KIRREL3: variants seen among roughly 807,000 people sequenced by gnomAD.
KIRREL3 encodes kin of IRRE-like protein 3.
In KIRREL3, 36 loss-of-function variants were observed where a neutral mutation model predicts 89.7. That is an observed-to-expected ratio of 0.40 (90% CI 0.31 to 0.53). KIRREL3 has a LOEUF of 0.53. KIRREL3 is among the 20% of genes least tolerant of loss of function. The pLI is 0.49. For missense variants in KIRREL3, 864 were observed against 1,056.6 expected (o/e 0.82, Z 2.53); for synonymous variants, 445 against 441.4 (o/e 1.01, Z -0.10).
intron 1 of KIRREL3, among the ~76,000 whole-genome samples, chr11:126,730,808 G>A (rs954485609): frequency 7.9e-5 from 12 of 151,842 alleles, no homozygotes; most frequent in Non-Finnish European, 1.6e-4. Flanking sequence ...GTGCCATCTC[G>A]GCTCACTGCA....
chr11:126,731,390 C>T (rs1948611714), intron 1 of KIRREL3, among the ~76,000 whole-genome samples: 2 of 152,218 alleles, frequency 1.3e-5, no homozygotes, highest in Non-Finnish European at 1.5e-5. Flanking sequence ...TCAGAGCTTA[C>T]TTAGTCCTTC....
In KIRREL3 at chr11:126,669,715, A is replaced by G. The variant is rs73014503; in HGVS notation, c.56-106803T>C. ...CTTCTCCATTTACATTTTTCTCTCA[A>G]GGTTTTGCATGAAACTCCAAGGCTT... On this transcript the variant is annotated intron_variant, in intron 1 of 16. Transcript: ENST00000525144. This position sits in a 1 kb window ranked among gnomAD's most constrained non-coding sequence, Gnocchi z 5.0. 0.21 allele frequency among the ~76,000 whole-genome samples: 32,048 copies of G among 152,072 alleles called. 3,762 individuals carry two copies. Among genetic ancestry groups the G allele is most frequent in the South Asian group, 0.45 (2,170 of 4,816 alleles).
rs999765493 is a variant in KIRREL3, at chr11:126,501,565, C to T, written c.433+19750G>A. ...GCGTGACAAAGCTAGGATTTGAACC[C>T]AGGCTGTTCAACTCCAAGTTCTGGG... On this transcript the variant is annotated intron_variant, in intron 4 of 16. Transcript: ENST00000525144. This position sits in a 1 kb window ranked among gnomAD's most constrained non-coding sequence, Gnocchi z 5.8. Among the ~76,000 whole-genome samples the T allele has an allele frequency of 6.6e-6, 1 of 152,174 alleles. No homozygotes were observed. The highest frequency in any genetic ancestry group is 1.9e-4 in the East Asian group (1 of 5,194).
chr11:126,523,666 C>T lies in KIRREL3; in HGVS notation c.284-2202G>A, dbSNP rs1007849418. On this transcript the variant is annotated intron_variant, in intron 3 of 16. Coordinates refer to ENST00000525144, the MANE Select transcript of KIRREL3 (RefSeq NM_032531.4). The surrounding 1 kb of genome is among the most constrained non-coding windows in gnomAD (Gnocchi z 4.9). Reference sequence around the variant, plus strand: ...CCAGGTAAGTTAAGCTGTCTCCCCCCAGGGCCAGGAGAGGGGCTGGAAATG... The same window carrying T: ...CCAGGTAAGTTAAGCTGTCTCCCCCTAGGGCCAGGAGAGGGGCTGGAAATG... 6.6e-6 allele frequency among the ~76,000 whole-genome samples: 1 copy of T among 152,126 alleles called. No homozygotes were observed. The highest frequency in any genetic ancestry group is 6.5e-5 in the Admixed American group (1 of 15,282).
Position 126,521,229 on chromosome 11 carries a change from C to A in KIRREL3, c.433+86G>T. 7.2e-7 allele frequency: 1 copy of A among 1,397,388 alleles called. No individual in the cohort carries two copies. The highest frequency in any genetic ancestry group is 9.4e-7 in the Non-Finnish European group (1 of 1,060,188). 86.6% of individuals were successfully genotyped at this position (1,397,388 alleles called of 1,614,324 possible). A position where few individuals can be genotyped will look rare whatever the true frequency, so the allele number is the denominator to read the frequency against. The stretch of plus-strand genomic sequence containing the variant: ...GATGATCCCCAGAGGGGAGTCTCCC[C>A]ATGTCTGACCAAAAAAATACCCTCT... On this transcript the variant is annotated intron_variant, in intron 4 of 16. Transcript: ENST00000525144. The surrounding 1 kb of genome is among the most constrained non-coding windows in gnomAD (Gnocchi z 4.1).
At chr11:126,806,237 CCCT>C (rs1175897175) in intron 1 of KIRREL3, among the ~76,000 whole-genome samples, 2 of 152,146 alleles carry the variant, frequency 1.3e-5, no homozygotes, top group Non-Finnish European at 2.9e-5. Context: ...ATAACATTCT[CCCT>C]CATGTGCTCA....
At chr11:126,603,354 C>A (rs898645510) in intron 1 of KIRREL3, among the ~76,000 whole-genome samples, 1 of 152,222 alleles carries the variant, frequency 6.6e-6, no homozygotes, top group Non-Finnish European at 1.5e-5. Flanking sequence ...GTGATGAGAA[C>A]CCTCATTCCC....
chr11:126,483,210 A>C (rs1957268127), intron 4 of KIRREL3, among the ~76,000 whole-genome samples: 1 of 152,190 alleles, frequency 6.6e-6, no homozygotes, highest in South Asian at 2.1e-4. Flanking sequence ...TGTTACCATG[A>C]GGTCATACCC....
chr11:126,593,318 G>A (rs897399827), intron 1 of KIRREL3, among the ~76,000 whole-genome samples: 3 of 152,152 alleles, frequency 2.0e-5, no homozygotes, highest in Non-Finnish European at 4.4e-5. Context: ...CACCGTTATC[G>A]GGAGGCTTCA....
rs970077153 is a variant in KIRREL3, at chr11:126,551,317, AG to A, written c.133+11517del. 1.3e-5 allele frequency among the ~76,000 whole-genome samples: 2 copies of A among 152,080 alleles called. No individual in the cohort carries two copies. Among genetic ancestry groups the A allele is most frequent in the African/African-American group, 4.8e-5 (2 of 41,410 alleles). On this transcript the variant is annotated intron_variant, in intron 2 of 16. Coordinates refer to ENST00000525144, the MANE Select transcript of KIRREL3 (RefSeq NM_032531.4). This position sits in a 1 kb window ranked among gnomAD's most constrained non-coding sequence, Gnocchi z 4.9. ...AGACCCACAATCAGAAAGTGGTGAA[AG>A]GTTAGAGTCCTGCGATGGGGCAGGG...
rs1384192851 is a variant in KIRREL3, at chr11:126,705,033, T to C, written c.56-142121A>G. Reference sequence around the variant, plus strand: ...TGTATTTGTGGGTGGTAAATTTATATCTTACCCACTGAATATAGCTTTTTA... The same window carrying C: ...TGTATTTGTGGGTGGTAAATTTATACCTTACCCACTGAATATAGCTTTTTA... On this transcript the variant is annotated intron_variant, in intron 1 of 16. Coordinates refer to ENST00000525144, the MANE Select transcript of KIRREL3 (RefSeq NM_032531.4). This position sits in a 1 kb window ranked among gnomAD's most constrained non-coding sequence, Gnocchi z 4.3. Among the ~76,000 whole-genome samples, 2 of 152,196 alleles carry C rather than the reference T, an allele frequency of 1.3e-5. No homozygotes were observed. The highest frequency in any genetic ancestry group is 2.9e-5 in the Non-Finnish European group (2 of 68,040).
intron 1 of KIRREL3, among the ~76,000 whole-genome samples, chr11:126,800,565 A>G (rs764000536): frequency 3.9e-5 from 6 of 152,174 alleles, no homozygotes; most frequent in Non-Finnish European, 5.9e-5. Context: ...ATGTACCATA[A>G]AAAAGTGCTA....
chr11:126,473,138 C>T (rs1956968214), intron 5 of KIRREL3, among the ~76,000 whole-genome samples, 171 bp downstream of exon 5: 1 of 5,770 alleles, frequency 1.7e-4, no homozygotes, highest in East Asian at 4.9e-3. Flanking sequence ...CCGCCTAACC[C>T]CCTCTCTACT....
intron 1 of KIRREL3, among the ~76,000 whole-genome samples, chr11:126,925,664 G>A (rs1381095783): frequency 2.0e-5 from 3 of 152,112 alleles, no homozygotes; most frequent in South Asian, 2.1e-4. Context: ...CCAGCATCCC[G>A]GAGCCACTTC....
intron 2 of KIRREL3, among the ~76,000 whole-genome samples, chr11:126,560,694 A>T (rs145142944): frequency 1.4e-4 from 21 of 152,364 alleles, no homozygotes; most frequent in Non-Finnish European, 2.4e-4. Flanking sequence ...GTTAAACAGA[A>T]CAAATATGCT....
At chr11:126,434,843 C>T (rs183498648) in intron 13 of KIRREL3, among the ~76,000 whole-genome samples, 92 of 152,154 alleles carry the variant, frequency 6.0e-4, no homozygotes, top group South Asian at 1.2e-3. Flanking sequence ...TGGGGGCCCC[C>T]GGTGTCCTGG....
chr11:126,500,538 G>A (rs1237747210), intron 4 of KIRREL3, among the ~76,000 whole-genome samples: 4 of 152,120 alleles, frequency 2.6e-5, no homozygotes, highest in South Asian at 2.1e-4. Context: ...TCAGGAATTC[G>A]AGACCAGCCT....
rs1944393359 is a variant in KIRREL3, at chr11:126,639,598, G to A, written c.56-76686C>T. On this transcript the variant is annotated intron_variant, in intron 1 of 16. Coordinates refer to ENST00000525144, the MANE Select transcript of KIRREL3 (RefSeq NM_032531.4). The surrounding 1 kb of genome is among the most constrained non-coding windows in gnomAD (Gnocchi z 4.3). ...AAGTCTCAGGGCTCTGCAAGCTGGAGATGAGATCGGCTAATCCTGACTCTA... is the reference window on the plus strand; with the variant it reads ...AAGTCTCAGGGCTCTGCAAGCTGGAAATGAGATCGGCTAATCCTGACTCTA... 6.6e-6 allele frequency among the ~76,000 whole-genome samples: 1 copy of A among 152,240 alleles called. No homozygotes were observed. The highest frequency in any genetic ancestry group is 1.5e-5 in the Non-Finnish European group (1 of 68,052).
chr11:126,832,528 G>T (rs1437801666), intron 1 of KIRREL3, among the ~76,000 whole-genome samples: 1 of 152,146 alleles, frequency 6.6e-6, no homozygotes, highest in African/African-American at 2.4e-5. Context: ...AAGACAGCAG[G>T]TTCCTTGCAT....
Sources: gnomAD v4.1 joint callset for allele counts (sites outside exome capture counted in the v4.1 genomes callset) on GRCh38, gnomAD v4.1.1 for gene constraint, Gnocchi (gnomAD v3.1) non-coding constraint, MANE v1.5 for transcripts, NCBI Gene and HGNC (gene_info 2026-07-23, HGNC 2026-07-21) for gene names.